The following RAB38 variants were observed in gnomAD, a reference collection of about 807,000 sequenced individuals.
The protein encoded by RAB38 is RAB38, member RAS oncogene family.
A neutral mutation model predicts 18.4 loss-of-function variants in RAB38; 15 were observed. That is an observed-to-expected ratio of 0.82 (90% CI 0.55 to 1.26). The LOEUF (loss-of-function observed/expected upper bound fraction) is 1.26. Ranked by LOEUF, RAB38 falls within the 50% of genes most tolerant of loss-of-function variation. RAB38 has a pLI of 0.00. For missense variants in RAB38, 294 were observed against 267.4 expected (o/e 1.10, Z -0.69); for synonymous variants, 101 against 104.4 (o/e 0.97, Z 0.20).
chr11:87,895,631 A>G, the RAB38 span, among the ~76,000 whole-genome samples: 1 of 151,694 alleles, frequency 6.6e-6, no homozygotes, highest in Non-Finnish European at 1.5e-5. Context: ...TTTGGCTCCA[A>G]AGATTATACT....
chr11:87,912,680 T>G, the RAB38 span, among the ~76,000 whole-genome samples: 1 of 151,512 alleles, frequency 6.6e-6, no homozygotes, highest in Admixed American at 6.6e-5. Context: ...TTTTCTCTAT[T>G]GCTTTGTTTT....
the RAB38 span, among the ~76,000 whole-genome samples, chr11:87,955,984 T>A: frequency 6.6e-6 from 1 of 152,102 alleles, no homozygotes; most frequent in Non-Finnish European, 1.5e-5. Context: ...ATAAAACTCT[T>A]GCTTCAGTAC....
At chr11:87,948,332 C>G in the RAB38 span, among the ~76,000 whole-genome samples, 4 of 152,074 alleles carry the variant, frequency 2.6e-5, no homozygotes, top group Non-Finnish European at 4.4e-5. Context: ...ACAACCATGT[C>G]ATCTGCAAAC....
the RAB38 span, among the ~76,000 whole-genome samples, chr11:87,878,229 A>ACG: frequency 7.8e-6 from 1 of 128,966 alleles, no homozygotes; most frequent in Admixed American, 8.0e-5. Flanking sequence ...ATATACACAC[A>ACG]TATATATACA....
At chr11:87,855,578 C>T in the RAB38 span, among the ~76,000 whole-genome samples, 2 of 152,150 alleles carry the variant, frequency 1.3e-5, no homozygotes, top group South Asian at 4.2e-4. Context: ...AGAAAAAATA[C>T]AGTGAAGTAT....
At chr11:88,026,807 T>C in the RAB38 span, among the ~76,000 whole-genome samples, 1 of 152,126 alleles carries the variant, frequency 6.6e-6, no homozygotes, top group Non-Finnish European at 1.5e-5. Flanking sequence ...CATTAATTGG[T>C]ACTAAAATCA....
the RAB38 span, among the ~76,000 whole-genome samples, chr11:87,939,682 A>AC: frequency 6.6e-6 from 1 of 151,820 alleles, no homozygotes; most frequent in South Asian, 2.1e-4. Context: ...ACATGGTGAG[A>AC]CCCCCTCTGT....
chr11:87,967,651 C>T, the RAB38 span, among the ~76,000 whole-genome samples: 1 of 152,220 alleles, frequency 6.6e-6, no homozygotes, highest in Non-Finnish European at 1.5e-5. Context: ...GTGTTTCCTT[C>T]CAGGTGGAGG....
chr11:87,922,834 G>A, the RAB38 span, among the ~76,000 whole-genome samples: 1 of 150,804 alleles, frequency 6.6e-6, no homozygotes, highest in East Asian at 2.0e-4. Context: ...AGGGAGGGGA[G>A]GAAAAGACAG....
At chr11:87,877,505 G>A in the RAB38 span, among the ~76,000 whole-genome samples, 2 of 151,280 alleles carry the variant, frequency 1.3e-5, no homozygotes, top group African/African-American at 4.8e-5. Flanking sequence ...TTCATCCATG[G>A]AATATGCCCT....
At chr11:88,091,851 C>T in the RAB38 span, among the ~76,000 whole-genome samples, 1 of 151,848 alleles carries the variant, frequency 6.6e-6, no homozygotes, top group African/African-American at 2.4e-5. Flanking sequence ...GGTAGTGTGC[C>T]CAGAGCCAAT....
chr11:87,842,794 G>GCACACA, the RAB38 span, among the ~76,000 whole-genome samples: 3 of 129,916 alleles, frequency 2.3e-5, no homozygotes, highest in Admixed American at 8.4e-5. Flanking sequence ...GCATGCGCAT[G>GCACACA]CACACACACA....
chr11:88,105,847 T>G, the RAB38 span, among the ~76,000 whole-genome samples: 1 of 152,122 alleles, frequency 6.6e-6, no homozygotes, highest in African/African-American at 2.4e-5. Flanking sequence ...ACATGATACA[T>G]GTAGATCTTT....
intron 2 of RAB38, among the ~76,000 whole-genome samples, chr11:88,119,925 G>C (rs1942609237): frequency 6.6e-6 from 1 of 152,134 alleles, no homozygotes; most frequent in Admixed American, 6.6e-5. Flanking sequence ...CTTTCTCTGA[G>C]AAGATTTAGC....
the RAB38 span, among the ~76,000 whole-genome samples, chr11:87,823,651 A>G: frequency 1.3e-5 from 2 of 152,186 alleles, no homozygotes; most frequent in African/African-American, 2.4e-5. Flanking sequence ...ATGTCATTCA[A>G]TTTGGAAAGT....
intron 2 of RAB38, among the ~76,000 whole-genome samples, chr11:88,139,243 G>A (rs1942875567): frequency 6.6e-6 from 1 of 152,162 alleles, no homozygotes. Context: ...ATACCCAGGA[G>A]TTCCTAAGAG....
At chr11:87,955,664 AATCATCTATCT>A in the RAB38 span, among the ~76,000 whole-genome samples, 5,140 of 151,946 alleles carry the variant, frequency 0.034, 150 homozygotes, top group East Asian at 0.15. Flanking sequence ...TATATCTATC[AATCATCTATCT>A]ATCAATCAAT....
chr11:88,075,555 T>C, the RAB38 span, among the ~76,000 whole-genome samples: 1 of 152,148 alleles, frequency 6.6e-6, no homozygotes, highest in Admixed American at 6.6e-5. Flanking sequence ...AAGAGGGACA[T>C]TTATAGCAAT....
the RAB38 span, among the ~76,000 whole-genome samples, chr11:87,814,779 G>A: frequency 6.7e-6 from 1 of 149,634 alleles, no homozygotes; most frequent in African/African-American, 2.5e-5. Flanking sequence ...TTTCACTGAA[G>A]CCTGACTGCA....
Sources: gnomAD v4.1 joint callset for allele counts (sites outside exome capture counted in the v4.1 genomes callset) on GRCh38, gnomAD v4.1.1 for gene constraint, MANE v1.5 for transcripts, NCBI Gene and HGNC (gene_info 2026-07-23, HGNC 2026-07-21) for gene names.